The following APBA2 variants were observed in gnomAD, a reference collection of about 807,000 sequenced individuals.
The protein encoded by APBA2 is amyloid beta precursor protein binding family A member 2.
A neutral mutation model predicts 75.0 loss-of-function variants in APBA2; 30 were observed. That is an observed-to-expected ratio of 0.40 (90% CI 0.30 to 0.54). The LOEUF is 0.54. Ranked by LOEUF, APBA2 falls within the 20% of genes least tolerant of loss-of-function variation. The pLI is 0.49. For missense variants in APBA2, 801 were observed against 1,016.1 expected (o/e 0.79, Z 2.88); for synonymous variants, 444 against 409.6 (o/e 1.08, Z -1.01).
intron 1 of APBA2, among the ~76,000 whole-genome samples, chr15:28,896,571 G>T (rs562553114): frequency 6.6e-6 from 1 of 152,142 alleles, no homozygotes; most frequent in Admixed American, 6.5e-5. Flanking sequence ...GAGCCACCGC[G>T]CCTGGCCTCT....
chr15:28,995,973 T>G (rs1305062857), intron 3 of APBA2, among the ~76,000 whole-genome samples, 167 bp downstream of exon 3: 1 of 152,104 alleles, frequency 6.6e-6, no homozygotes, highest in Non-Finnish European at 1.5e-5. Context: ...AGTTTGAAGC[T>G]GGGGTTTGAG....
chr15:29,076,062 A>T lies in APBA2; in HGVS notation c.1040A>T (p.Lys347Met), dbSNP rs1009341164. The change falls in exon 6 of 15, where the codon AAG becomes ATG. Residue 347 changes from lysine (K) to methionine (M), a missense_variant. Lys to Met is a moderately conservative substitution (Grantham distance 95). Transcript: ENST00000683413. ...TTCCATATTTCCTAACAGACAAAGA[A>T]GGTGGCATCATTTCCAAGTTTTGTG... ...VDNNNIPETK[K>M]VASFPSFVAV... 6.2e-7 allele frequency: 1 copy of T among 1,614,176 alleles called. No individual in the cohort carries two copies. Among genetic ancestry groups the T allele is most frequent in the Non-Finnish European group, 8.5e-7 (1 of 1,179,984 alleles).
intron 3 of APBA2, among the ~76,000 whole-genome samples, chr15:29,030,729 ATGTGTGTGTGTGTGTGTG>A (rs60048817): frequency 1.8e-5 from 2 of 113,246 alleles, no homozygotes; most frequent in Non-Finnish European, 3.8e-5. Context: ...CCATGTGAGT[ATGTGTGTGTGTGTGTGTG>A]TGTGTGTGTG....
At chr15:28,931,075 A>G (rs1472864006) in intron 2 of APBA2, among the ~76,000 whole-genome samples, 3 of 152,184 alleles carry the variant, frequency 2.0e-5, no homozygotes, top group African/African-American at 7.2e-5. Flanking sequence ...CTGTTTGGGA[A>G]TCATGGTGAA....
chr15:28,976,018 T>G (rs1283735907), intron 2 of APBA2, among the ~76,000 whole-genome samples: 1 of 152,218 alleles, frequency 6.6e-6, no homozygotes, highest in Non-Finnish European at 1.5e-5. Context: ...CCAAACATGC[T>G]CATGGCATAT....
At position 29,074,927 on chromosome 15, in the gene APBA2, A is replaced by G. The variant is rs1259597997; in HGVS notation, c.958A>G (p.Asn320Asp). The G allele has an allele frequency of 2.5e-6, 4 of 1,614,030 alleles. No individual in the cohort carries two copies. The South Asian group carries it at 4.4e-5, about 18-fold the overall frequency. ...RLKWPHEQVC[N>D]GLEQPRKQQR... ...TTAACTTCCCCGTTTCCAGGTTTGC[A>G]ATGGTCTGGAGCAGCCAAGGAAGCA... is the stretch of plus-strand genomic sequence containing the variant. Residue 320 changes from asparagine to aspartate, a missense_variant, in exon 5 of 15, where the codon AAT becomes GAT. Asn to Asp is a conservative substitution (Grantham distance 23, BLOSUM62 1). This residue lies in a region of APBA2 where 434 missense variants were observed against 471.6 expected (regional missense o/e 0.92). Transcript: ENST00000683413.
At chr15:29,103,832 CA>C (rs899289068) in intron 10 of APBA2, among the ~76,000 whole-genome samples, 3 of 152,210 alleles carry the variant, frequency 2.0e-5, no homozygotes, top group Admixed American at 6.5e-5. Flanking sequence ...CCGCTCTTCC[CA>C]AAGGCCCGAC....
intron 2 of APBA2, among the ~76,000 whole-genome samples, chr15:28,936,658 T>C (rs1161506110): frequency 1.3e-5 from 2 of 152,116 alleles, no homozygotes; most frequent in African/African-American, 4.8e-5. Flanking sequence ...AGGCAGAGAG[T>C]TGGCTGGTAA....
chr15:29,011,127 G>A (rs2152815156), intron 3 of APBA2, among the ~76,000 whole-genome samples: 1 of 152,246 alleles, frequency 6.6e-6, no homozygotes, highest in South Asian at 2.1e-4. Context: ...GCTTAGTACA[G>A]TGTCCTCAAG....
At chr15:28,942,562 G>A (rs1387721913) in intron 2 of APBA2, among the ~76,000 whole-genome samples, 1 of 152,158 alleles carries the variant, frequency 6.6e-6, no homozygotes, top group Non-Finnish European at 1.5e-5. Flanking sequence ...GTTTTTTCCA[G>A]CCTGAGCCCA....
chr15:28,969,922 G>A (rs1003968086), intron 2 of APBA2, among the ~76,000 whole-genome samples: 42 of 152,352 alleles, frequency 2.8e-4, no homozygotes, highest in Non-Finnish European at 5.4e-4. Context: ...AGGCCAGGCC[G>A]GGCGGGCAGA....
chr15:29,021,660 C>G (rs2039963303), intron 3 of APBA2, among the ~76,000 whole-genome samples: 1 of 152,202 alleles, frequency 6.6e-6, no homozygotes, highest in Non-Finnish European at 1.5e-5. Flanking sequence ...AGAAACTCAA[C>G]AGAAGATCCA....
chr15:29,025,138 C>A (rs1217523456), intron 3 of APBA2, among the ~76,000 whole-genome samples: 3 of 142,692 alleles, frequency 2.1e-5, no homozygotes, highest in Admixed American at 7.0e-5. Flanking sequence ...GTCTCATTAG[C>A]AACTGATCTG....
chr15:28,939,378 T>G (rs1198154975), intron 2 of APBA2, among the ~76,000 whole-genome samples: 1 of 152,128 alleles, frequency 6.6e-6, no homozygotes, highest in Non-Finnish European at 1.5e-5. Flanking sequence ...TACCCAGAAG[T>G]GGAATTACTG....
At chr15:29,082,109 G>T (rs535826392) in intron 6 of APBA2, among the ~76,000 whole-genome samples, 1 of 152,196 alleles carries the variant, frequency 6.6e-6, no homozygotes, top group Non-Finnish European at 1.5e-5. Flanking sequence ...TTGATTTCAC[G>T]TGTCTTTCAT....
chr15:28,887,537 G>T (rs1045399493), intron 1 of APBA2, among the ~76,000 whole-genome samples: 2 of 152,114 alleles, frequency 1.3e-5, no homozygotes, highest in South Asian at 2.1e-4. Flanking sequence ...CTACGCAGGG[G>T]ACAGGATCTG....
At chr15:29,097,548 G>T (rs1343754893) in intron 8 of APBA2, among the ~76,000 whole-genome samples, 2 of 152,170 alleles carry the variant, frequency 1.3e-5, no homozygotes, top group Non-Finnish European at 2.9e-5. Context: ...TTACATTGAC[G>T]GATAAAATTG....
chr15:29,021,517 A>G (rs143911473), intron 3 of APBA2, among the ~76,000 whole-genome samples: 81 of 152,256 alleles, frequency 5.3e-4, no homozygotes, highest in Non-Finnish European at 9.6e-4. Flanking sequence ...TACATATTTA[A>G]TGTACAACTT....
chr15:28,897,352 A>G (rs1160191952), intron 1 of APBA2, among the ~76,000 whole-genome samples: 1 of 152,132 alleles, frequency 6.6e-6, no homozygotes, highest in African/African-American at 2.4e-5. Context: ...CAGTGGCTCA[A>G]TGCTTGTAAT....
Sources: gnomAD v4.1 joint callset for allele counts (sites outside exome capture counted in the v4.1 genomes callset) on GRCh38, gnomAD v4.1.1 for gene constraint, gnomAD v4.1.1 regional missense constraint, MANE v1.5 for transcripts, NCBI Gene and HGNC (gene_info 2026-07-23, HGNC 2026-07-21) for gene names.